PLD1: variants seen among roughly 807,000 people sequenced by gnomAD.
The protein encoded by PLD1 is choline phosphatase 1.
PLD1 carries 112 observed loss-of-function variants against 137.1 expected under a neutral mutation model. That is an observed-to-expected ratio of 0.82 (90% CI 0.70 to 0.96). The LOEUF is 0.96. Ranked by LOEUF, PLD1 falls within the 40% of genes least tolerant of loss-of-function variation. The pLI is 0.00. For missense variants in PLD1, 1,321 were observed against 1,342.0 expected, an observed-to-expected ratio of 0.98 and a Z score of 0.24; for synonymous variants, 431 against 454.7, an observed-to-expected ratio of 0.95 and a Z score of 0.66.
intron 1 of PLD1, among the ~76,000 whole-genome samples, chr3:171,772,425 A>C (rs1238659481): frequency 1.3e-5 from 2 of 152,218 alleles, no homozygotes; most frequent in African/African-American, 4.8e-5. Flanking sequence ...TGTGAAATAT[A>C]AGCCATTAGC....
intron 16 of PLD1, among the ~76,000 whole-genome samples, chr3:171,685,823 C>A (rs1334873347): frequency 6.6e-6 from 1 of 152,058 alleles, no homozygotes; most frequent in East Asian, 1.9e-4. Context: ...CAAAGGCCTT[C>A]AAGATTTTTA....
chr3:171,626,099 T>G (rs1734081810), intron 23 of PLD1, among the ~76,000 whole-genome samples: 1 of 152,052 alleles, frequency 6.6e-6, no homozygotes, highest in Non-Finnish European at 1.5e-5. Context: ...AGTTGAAAAC[T>G]TTGAAAAAAA....
At chr3:171,686,853 C>G (rs761301607) in intron 15 of PLD1, 55 bp from the exon 16 acceptor site, 3 of 880,178 alleles carry the variant, frequency 3.4e-6, no homozygotes, top group South Asian at 1.6e-5. Context: ...ATTTTCTAAA[C>G]TGGAAAGCAA....
chr3:171,753,744 T>A (rs1285386839), intron 1 of PLD1, among the ~76,000 whole-genome samples: 2 of 152,116 alleles, frequency 1.3e-5, no homozygotes, highest in East Asian at 3.9e-4. Flanking sequence ...AACTCCCTCA[T>A]CAACTTCTCC....
At chr3:171,657,263 T>C (rs1451000253) in intron 21 of PLD1, among the ~76,000 whole-genome samples, 1 of 152,204 alleles carries the variant, frequency 6.6e-6, no homozygotes, top group African/African-American at 2.4e-5. Flanking sequence ...AAACTGTGAA[T>C]CACATAAAAT....
At chr3:171,789,477 G>C (rs925919097) in intron 1 of PLD1, 1 of 152,200 alleles carries the variant, frequency 6.6e-6, no homozygotes, top group African/African-American at 2.4e-5. Context: ...CTAGGTACAC[G>C]AAGTCAGCAG....
chr3:171,710,051 G>A (rs1239456123), intron 9 of PLD1, among the ~76,000 whole-genome samples: 1 of 141,310 alleles, frequency 7.1e-6, no homozygotes, highest in Non-Finnish European at 1.6e-5. Flanking sequence ...GTACAGCAGC[G>A]GTCCCCAACT....
Position 171,662,049 on chromosome 3 carries a change from G to A in PLD1, c.2340+11C>T, listed in dbSNP as rs780242681. On this transcript the variant is annotated intron_variant, in intron 20 of 26. Transcript: ENST00000351298. ...CAGTTTCTCACACGAATTTACATGA[G>A]CAAGACTTACTTCGATATAGATATA... is the stretch of plus-strand genomic sequence containing the variant. The A allele has an allele frequency of 7.3e-6, 11 of 1,503,050 alleles. No individual in the cohort carries two copies. The highest frequency in any genetic ancestry group is 1.7e-5 in the Admixed American group (1 of 58,988). The allele number at this position is 1,503,050 out of a possible 1,614,324, so 93.1% of individuals were successfully genotyped here.
At chr3:171,666,052 T>A (rs1014626363) in intron 19 of PLD1, among the ~76,000 whole-genome samples, 5 of 152,266 alleles carry the variant, frequency 3.3e-5, no homozygotes, top group Non-Finnish European at 7.3e-5. Flanking sequence ...ATTTCCTTCT[T>A]GCTCTGCCTA....
At chr3:171,785,438 CTATTT>C (rs1313059382) in intron 1 of PLD1, among the ~76,000 whole-genome samples, 2 of 101,590 alleles carry the variant, frequency 2.0e-5, no homozygotes, top group Non-Finnish European at 3.9e-5. Flanking sequence ...AATCCAGTGT[CTATTT>C]TTTTTTTTTT....
intron 3 of PLD1, among the ~76,000 whole-genome samples, chr3:171,737,058 A>T (rs1478952135): frequency 1.3e-5 from 2 of 152,234 alleles, no homozygotes; most frequent in Middle Eastern, 3.2e-3. Flanking sequence ...CAGTATTTTG[A>T]GGTAATGGCA....
chr3:171,755,903 C>A (rs1302156375), intron 1 of PLD1, among the ~76,000 whole-genome samples: 2 of 152,222 alleles, frequency 1.3e-5, no homozygotes, highest in Middle Eastern at 3.2e-3. Flanking sequence ...TCATCATCTT[C>A]TAACCACAAA....
intron 1 of PLD1, among the ~76,000 whole-genome samples, chr3:171,807,078 A>G (rs761164792): frequency 1.7e-4 from 26 of 152,166 alleles, no homozygotes; most frequent in Non-Finnish European, 3.5e-4. Flanking sequence ...AAGCCGAAGT[A>G]GGAGGATTGC....
In PLD1 at chr3:171,612,026, G is replaced by A. The variant is rs1391377550; in HGVS notation, c.2882+253C>T. 1.3e-5 allele frequency among the ~76,000 whole-genome samples: 2 copies of A among 152,170 alleles called. No individual in the cohort carries two copies. Among genetic ancestry groups the A allele is most frequent in the East Asian group, 3.8e-4 (2 of 5,196 alleles). ...GAGCCTAGGAATTCAAGGATGCAAT[G>A]AGCTGTAACTGCACCACTGCAGTTT... On this transcript the variant is annotated intron_variant, in intron 25 of 26. Coordinates refer to ENST00000351298, the MANE Select transcript of PLD1 (RefSeq NM_002662.5). The surrounding 1 kb of genome is among the most constrained non-coding windows in gnomAD (Gnocchi z 4.1).
At chr3:171,649,684 C>T (rs73883011) in intron 21 of PLD1, among the ~76,000 whole-genome samples, 3,420 of 152,318 alleles carry the variant, frequency 0.022, 133 homozygotes, top group African/African-American at 0.079. Context: ...AACTACCCAT[C>T]ATGCCAGCAA....
At chr3:171,640,971 T>C (rs1426824635) in intron 23 of PLD1, among the ~76,000 whole-genome samples, 5 of 152,216 alleles carry the variant, frequency 3.3e-5, no homozygotes, top group Admixed American at 3.3e-4. Context: ...AAAGTCTACT[T>C]GCACTGAGCA....
chr3:171,807,730 C>T (rs888550546), intron 1 of PLD1, among the ~76,000 whole-genome samples: 1 of 152,164 alleles, frequency 6.6e-6, no homozygotes, highest in African/African-American at 2.4e-5. Context: ...GGGTATATAT[C>T]CAAAAGAAAA....
At chr3:171,724,836 C>T (rs1268662470) in intron 7 of PLD1, 48 bp from the exon 8 acceptor site, 1 of 1,143,706 alleles carries the variant, frequency 8.7e-7, no homozygotes, top group Non-Finnish European at 1.3e-6. Flanking sequence ...TTCCCACTCC[C>T]ACTTAGCTCG....
intron 19 of PLD1, among the ~76,000 whole-genome samples, chr3:171,667,912 G>C (rs1712313369): frequency 6.6e-6 from 1 of 152,100 alleles, no homozygotes; most frequent in African/African-American, 2.4e-5. Context: ...CCACCATGCT[G>C]AACTAATTTT....
Sources: allele counts gnomAD v4.1 joint callset (sites outside exome capture counted in the v4.1 genomes callset), GRCh38; gene constraint gnomAD v4.1.1; non-coding constraint Gnocchi (gnomAD v3.1); transcripts MANE v1.5; gene names NCBI Gene and HGNC (gene_info 2026-07-23, HGNC 2026-07-21).